NT5DC2: variants seen among roughly 807,000 people sequenced by gnomAD.
NT5DC2 encodes 5'-nucleotidase domain-containing protein 2.
In NT5DC2, 41 loss-of-function variants were observed where a neutral mutation model predicts 70.0. The ratio of observed to expected loss-of-function variants is 0.59; its 90% CI spans 0.46 to 0.76. NT5DC2 has a LOEUF of 0.76. NT5DC2 is among the 30% of genes least tolerant of loss of function. The pLI is 0.00. For synonymous variants in NT5DC2, 299 were observed against 310.4 expected, an observed-to-expected ratio of 0.96 and a Z score of 0.39; for missense variants, 705 against 783.2, an observed-to-expected ratio of 0.90 and a Z score of 1.19.
At position 52,529,162 on chromosome 3, in the gene NT5DC2, G is replaced by A. The variant is rs551687663; in HGVS notation, c.405C>T (p.Ile135=). Residue 135 remains isoleucine, a synonymous_variant, in exon 2 of 14, where the codon ATC becomes ATT. Transcript: ENST00000422318. This position sits in a 1 kb window ranked among gnomAD's most constrained non-coding sequence, Gnocchi z 4.1. ...ACCCCCGTCTCACCTTGTAGTGCTC[G>A]ATCAGGATGTCACGGGCGGTACTGA... ...EIFSTARDIL[I]EHYKYPEGIR... is the part of the protein sequence containing the mutation. 32 of 1,613,966 alleles carry A rather than the reference G, an allele frequency of 2.0e-5. No homozygotes were observed. The highest frequency in any genetic ancestry group is 4.5e-5 in the East Asian group (2 of 44,898).
At position 52,525,310 on chromosome 3, in the gene NT5DC2, G is replaced by A. The variant is rs748911994; in HGVS notation, c.1120-15C>T. ...AACAGGTTTCCCTAGGGAGAGGAGGGGAATGCTGCTGAGCCAAGTGTGCCT... is the reference window on the plus strand; with the variant it reads ...AACAGGTTTCCCTAGGGAGAGGAGGAGAATGCTGCTGAGCCAAGTGTGCCT... On this transcript the variant is annotated splice_polypyrimidine_tract_variant and intron_variant, in intron 10 of 13. Transcript: ENST00000422318. The A allele has an allele frequency of 1.7e-5, 27 of 1,604,858 alleles. No individual in the cohort carries two copies. The highest frequency in any genetic ancestry group is 2.3e-5 in the Non-Finnish European group (27 of 1,173,724).
intron 10 of NT5DC2, chr3:52,525,581 C>CTGT: frequency 2.4e-6 from 1 of 421,380 alleles, no homozygotes; most frequent in Non-Finnish European, 4.4e-6. Flanking sequence ...GATTAGATCC[C>CTGT]TGTTTGTAAG....
intron 1 of NT5DC2, among the ~76,000 whole-genome samples, chr3:52,532,680 G>A (rs537960377): frequency 2.0e-5 from 3 of 152,248 alleles, no homozygotes; most frequent in East Asian, 3.9e-4. Context: ...CCAGGACTGC[G>A]TTTCATGCTT....
In NT5DC2 at chr3:52,528,352, C is replaced by T. The variant is rs200698696; in HGVS notation, c.643-41G>A. The T allele has an allele frequency of 1.4e-3, 2,259 of 1,613,186 alleles. 5 individuals carry two copies. Among genetic ancestry groups the T allele is most frequent in the Non-Finnish European group, 1.8e-3 (2,120 of 1,180,000 alleles). On this transcript the variant is annotated intron_variant, in intron 5 of 13. Coordinates refer to ENST00000422318, the MANE Select transcript of NT5DC2 (RefSeq NM_001134231.2). ...TTGTCTCAGACACCCTTTGGGACCC[C>T]AACCCCTTCAGTGCTGGAGACGAGG...
intron 10 of NT5DC2, chr3:52,525,752 G>A (rs2079253902): frequency 5.8e-6 from 1 of 173,522 alleles, no homozygotes; most frequent in Non-Finnish European, 1.2e-5. Context: ...ACATGTAACT[G>A]GGGAAGCTCA....
At chr3:52,530,835 G>A (rs2079350007) in intron 1 of NT5DC2, among the ~76,000 whole-genome samples, 1 of 152,228 alleles carries the variant, frequency 6.6e-6, no homozygotes, top group Non-Finnish European at 1.5e-5. Flanking sequence ...CTGAGCCTAT[G>A]AGCATCCTGT....
chr3:52,526,251 T>G (rs1575385409), intron 10 of NT5DC2: 1 of 152,494 alleles, frequency 6.6e-6, no homozygotes, highest in African/African-American at 2.4e-5. Flanking sequence ...GCCCGAGGGC[T>G]GTGGAGAGTT....
rs1324735167 is a variant in NT5DC2 at position 52,532,396 on chromosome 3, C to T, written c.232+1110G>A. On this transcript the variant is annotated intron_variant, in intron 1 of 13. Coordinates refer to ENST00000422318, the MANE Select transcript of NT5DC2 (RefSeq NM_001134231.2). The stretch of plus-strand genomic sequence containing the variant: ...GCCCCTCCACAGACACAAACTCAAC[C>T]TGGGACCTCGAGGGTGGACAGATGC... 8 of 985,356 alleles carry T rather than the reference C, an allele frequency of 8.1e-6. 1 individual carries two copies. The highest frequency in any genetic ancestry group is 9.6e-6 in the Non-Finnish European group (8 of 830,002). 61.0% of individuals were successfully genotyped at this position (985,356 alleles called of 1,614,324 possible).
chr3:52,534,158 G>A, upstream of NT5DC2: 1 of 298,118 alleles, frequency 3.4e-6, no homozygotes, highest in Non-Finnish European at 6.4e-6. Flanking sequence ...GGTACCCCCC[G>A]GGCCCCCGGG....
rs535128923 is a variant in NT5DC2, at chr3:52,529,524, A to G, written c.233-190T>C. Among the ~76,000 whole-genome samples, 12 of 152,200 alleles carry G rather than the reference A, an allele frequency of 7.9e-5. 1 individual carries two copies. The highest frequency in any genetic ancestry group is 1.7e-4 in the African/African-American group (7 of 41,506). ...GTCACTTGCCCAGGGTCACGCAGTTAGGGTAAGGCAGAGCCCCTGGCTGGA... is the reference window on the plus strand; with the variant it reads ...GTCACTTGCCCAGGGTCACGCAGTTGGGGTAAGGCAGAGCCCCTGGCTGGA... On this transcript the variant is annotated intron_variant, in intron 1 of 13. Coordinates refer to ENST00000422318, the MANE Select transcript of NT5DC2 (RefSeq NM_001134231.2). This position sits in a 1 kb window ranked among gnomAD's most constrained non-coding sequence, Gnocchi z 4.1.
In NT5DC2 at chr3:52,529,061, C is replaced by A; in HGVS notation, c.417+89G>T. On this transcript the variant is annotated intron_variant, in intron 2 of 13. Coordinates refer to ENST00000422318, the MANE Select transcript of NT5DC2 (RefSeq NM_001134231.2). This position sits in a 1 kb window ranked among gnomAD's most constrained non-coding sequence, Gnocchi z 4.1. ...CTGCCAGGCAAGAGGGCCAGGGGAG[C>A]CCCACGACTCAGCCCTGAGCTTAGG... The A allele has an allele frequency of 6.3e-7, 1 of 1,588,050 alleles. No homozygotes were observed. Among genetic ancestry groups the A allele is most frequent in the Non-Finnish European group, 8.6e-7 (1 of 1,159,212 alleles).
At chr3:52,528,967 A>G (rs377378261) in intron 2 of NT5DC2, 32 bp from the exon 3 acceptor site, 2 of 1,612,316 alleles carry the variant, frequency 1.2e-6, no homozygotes, top group African/African-American at 1.3e-5. Flanking sequence ...GCCTAAGCCA[A>G]TAGCCCTGCC....
intron 4 of NT5DC2, 38 bp downstream of exon 4, chr3:52,528,599 G>A: frequency 6.3e-7 from 1 of 1,584,584 alleles, no homozygotes; most frequent in South Asian, 1.1e-5. Flanking sequence ...AGCAGTGTAG[G>A]GTGGGGCGGG....
upstream of NT5DC2, chr3:52,534,548 T>C: frequency 6.2e-7 from 1 of 1,613,466 alleles, no homozygotes; most frequent in Non-Finnish European, 8.5e-7. Context: ...AACTCCCGGT[T>C]TCCCGGCGCA....
In NT5DC2 at chr3:52,525,279, A is replaced by G; in HGVS notation, c.1136T>C (p.Phe379Ser). Residue 379 changes from phenylalanine (F) to serine (S), a missense_variant, in exon 11 of 14, where the codon TTC (phenylalanine) becomes TCC (serine). By Grantham distance (155) the Phe-to-Ser change is radical. Coordinates refer to ENST00000422318, the MANE Select transcript of NT5DC2 (RefSeq NM_001134231.2). ...GCCACGCCATTCCGTCAAGCGTAAG[A>G]AGTCAAACAGGTTTCCCTAGGGAGA... ...KIYRQGNLFD[F>S]LRLTEWRGPR... The G allele has an allele frequency of 6.2e-7, 1 of 1,612,778 alleles. No individual in the cohort carries two copies. Among genetic ancestry groups the G allele is most frequent in the Non-Finnish European group, 8.5e-7 (1 of 1,179,888 alleles).
chr3:52,534,473 G>T (rs765185676), upstream of NT5DC2: 2 of 1,610,706 alleles, frequency 1.2e-6, no homozygotes, highest in Non-Finnish European at 1.7e-6. Flanking sequence ...GCGCTGCAGG[G>T]TTGTGGGCCA....
chr3:52,524,609 C>T lies in NT5DC2; in HGVS notation c.1535G>A (p.Cys512Tyr), dbSNP rs759799552. The change falls in exon 14 of 14, where the codon TGC (cysteine) becomes TAC (tyrosine). Residue 512 changes from cysteine to tyrosine, a missense_variant. Coordinates refer to ENST00000422318, the MANE Select transcript of NT5DC2 (RefSeq NM_001134231.2). Reference sequence around the variant, plus strand: ...GAAGTCCACGCGGTAGTTGAGCAGGCAGCTGAGGGAGGCCATGTAGAGGTC... The same window carrying T: ...GAAGTCCACGCGGTAGTTGAGCAGGTAGCTGAGGGAGGCCATGTAGAGGTC... ...FSDLYMASLSCLLNYRVDFTF... is the reference protein window; with the variant it reads ...FSDLYMASLSYLLNYRVDFTF... 4.3e-6 allele frequency: 7 copies of T among 1,613,086 alleles called. No homozygotes were observed. In the African/African-American group the frequency reaches 6.7e-5, roughly 15 times the overall value.
At chr3:52,525,586 T>C in intron 10 of NT5DC2, 1 of 406,876 alleles carries the variant, frequency 2.5e-6, no homozygotes, top group Non-Finnish European at 4.5e-6. Context: ...GATCCCTGTT[T>C]GTAAGGTAGA....
At chr3:52,533,177 G>T (rs984521646) in intron 1 of NT5DC2, among the ~76,000 whole-genome samples, 12 of 152,144 alleles carry the variant, frequency 7.9e-5, no homozygotes, top group Admixed American at 2.6e-4. Context: ...AAGGGGTTGG[G>T]GGCGTTTCCA....
Sources: allele counts gnomAD v4.1 joint callset (sites outside exome capture counted in the v4.1 genomes callset), GRCh38; gene constraint gnomAD v4.1.1; non-coding constraint Gnocchi (gnomAD v3.1); transcripts MANE v1.5; gene names NCBI Gene and HGNC (gene_info 2026-07-23, HGNC 2026-07-21).